Variants in CEP112 observed in about 807,000 individuals in gnomAD.
CEP112 encodes the protein centrosomal protein of 112 kDa.
In CEP112, 127 loss-of-function variants were observed where a neutral mutation model predicts 153.0. That is an observed-to-expected ratio of 0.83 (90% CI 0.72 to 0.96). The LOEUF (loss-of-function observed/expected upper bound fraction) is 0.96. Ranked by LOEUF, CEP112 falls within the 40% of genes least tolerant of loss-of-function variation. The pLI, the probability that CEP112 is intolerant of heterozygous loss-of-function variation, is 0.00. For synonymous variants in CEP112, 358 were observed against 374.4 expected (o/e 0.96, Z 0.51); for missense variants, 1,089 against 1,101.2 (o/e 0.99, Z 0.16).
intron 17 of CEP112, among the ~76,000 whole-genome samples, chr17:65,996,467 C>T (rs982928993): frequency 2.0e-5 from 3 of 152,056 alleles, no homozygotes; most frequent in African/African-American, 4.8e-5. Context: ...AATTATTTGT[C>T]GAAGTTTATT....
chr17:66,029,171 A>T lies in CEP112; in HGVS notation c.1455T>A (p.Asp485Glu). 2 of 1,609,660 alleles carry T rather than the reference A, an allele frequency of 1.2e-6. No individual in the cohort carries two copies. Among genetic ancestry groups the T allele is most frequent in the Non-Finnish European group, 1.7e-6 (2 of 1,176,492 alleles). ...QNMKLLQTKY[D>E]ADINLLKQEH... The stretch of plus-strand genomic sequence containing the variant: ...CTTGTTTTAGAAGGTTTATATCAGC[A>T]TCATATTTGGTTTGTAACAGTTTCA... The change falls in exon 14 of 27, where the codon GAT (aspartate) becomes GAA (glutamate). Residue 485 changes from aspartate to glutamate, a missense_variant. By Grantham distance (45) the Asp-to-Glu change is conservative. Transcript: ENST00000535342.
intron 18 of CEP112, among the ~76,000 whole-genome samples, chr17:65,948,551 C>T (rs1399644286): frequency 6.7e-6 from 1 of 149,542 alleles, no homozygotes; most frequent in Admixed American, 6.9e-5. Context: ...AAATATAGAA[C>T]GCTGTTTCTT....
chr17:66,159,816 C>T (rs2071616640), intron 4 of CEP112, among the ~76,000 whole-genome samples: 1 of 152,154 alleles, frequency 6.6e-6, no homozygotes, highest in Non-Finnish European at 1.5e-5. Context: ...TCTCTCACCA[C>T]TCCTATTCAA....
chr17:65,993,195 G>A (rs2063660320), intron 17 of CEP112, among the ~76,000 whole-genome samples: 1 of 152,162 alleles, frequency 6.6e-6, no homozygotes, highest in African/African-American at 2.4e-5. Context: ...TGTGGTGTTT[G>A]GTTTTCTGTT....
chr17:66,101,488 C>T (rs1016507972), intron 6 of CEP112, among the ~76,000 whole-genome samples: 6 of 152,090 alleles, frequency 3.9e-5, no homozygotes, highest in Non-Finnish European at 7.4e-5. Context: ...GAGACTGATG[C>T]TTCCTGATTA....
At chr17:65,883,432 C>A (rs540713857) in intron 20 of CEP112, among the ~76,000 whole-genome samples, 1 of 152,196 alleles carries the variant, frequency 6.6e-6, no homozygotes, top group Non-Finnish European at 1.5e-5. Context: ...ATAATCTTGG[C>A]TCACTGTAAC....
At position 65,670,178 on chromosome 17, in the gene CEP112, G is replaced by T. The variant is rs560572358; in HGVS notation, c.2697+18951C>A. ...TTTTTTTGTTTTTGTTGTTGTTGTTGTTTTTTTTTTAACTGATGCTTAAAA... is the reference window on the plus strand; with the variant it reads ...TTTTTTTGTTTTTGTTGTTGTTGTTTTTTTTTTTTTAACTGATGCTTAAAA... On this transcript the variant is annotated intron_variant, in intron 24 of 26. Transcript: ENST00000535342. Among the ~76,000 whole-genome samples, 991 of 144,238 alleles carry T rather than the reference G, an allele frequency of 6.9e-3. 11 individuals carry two copies. The highest frequency in any genetic ancestry group is 0.024 in the African/African-American group (932 of 38,536). The allele number at this position is 144,238 out of a possible 152,430, so 94.6% of individuals were successfully genotyped here.
chr17:66,152,254 T>C (rs2071242066), intron 4 of CEP112, among the ~76,000 whole-genome samples: 1 of 152,162 alleles, frequency 6.6e-6, no homozygotes, highest in Non-Finnish European at 1.5e-5. Context: ...GTAAGAAATC[T>C]GTTATCGGAA....
intron 24 of CEP112, among the ~76,000 whole-genome samples, chr17:65,681,992 T>C (rs922524496): frequency 8.6e-5 from 13 of 151,708 alleles, no homozygotes. Context: ...AATTTTTCTT[T>C]TCTTTCTTTC....
chr17:66,099,445 A>C (rs1403232542), intron 6 of CEP112, among the ~76,000 whole-genome samples: 1 of 146,696 alleles, frequency 6.8e-6, no homozygotes, highest in Non-Finnish European at 1.5e-5. Flanking sequence ...TGGAGGTTGC[A>C]GTGAGCTGAG....
chr17:65,657,386 G>A (rs1401133373), intron 24 of CEP112, among the ~76,000 whole-genome samples: 1 of 152,134 alleles, frequency 6.6e-6, no homozygotes, highest in Non-Finnish European at 1.5e-5. Context: ...AGCAGTTTGA[G>A]CAGTACAGCA....
intron 6 of CEP112, among the ~76,000 whole-genome samples, chr17:66,100,888 TA>T (rs1219881822): frequency 6.6e-6 from 1 of 152,092 alleles, no homozygotes; most frequent in Non-Finnish European, 1.5e-5. Context: ...CTATAAGTAA[TA>T]TAGAGATTAT....
At chr17:65,772,051 A>C (rs1458466145) in intron 21 of CEP112, among the ~76,000 whole-genome samples, 1 of 152,236 alleles carries the variant, frequency 6.6e-6, no homozygotes, top group East Asian at 1.9e-4. Flanking sequence ...GAAATTAGAA[A>C]ATATTTGGAA....
chr17:65,649,583 G>A (rs1399014965), intron 24 of CEP112, among the ~76,000 whole-genome samples: 1 of 151,936 alleles, frequency 6.6e-6, no homozygotes, highest in Non-Finnish European at 1.5e-5. Context: ...GCTGGGCGTG[G>A]TGGCATGCAT....
At chr17:65,731,256 T>C (rs1047513962) in intron 23 of CEP112, among the ~76,000 whole-genome samples, 3 of 152,108 alleles carry the variant, frequency 2.0e-5, no homozygotes, top group African/African-American at 7.2e-5. Flanking sequence ...TGTAATAAAG[T>C]GTATACCATG....
chr17:66,175,035 T>C lies in CEP112; in HGVS notation c.470+9A>G. The C allele has an allele frequency of 6.5e-7, 1 of 1,528,994 alleles. No homozygotes were observed. The highest frequency in any genetic ancestry group is 8.8e-7 in the Non-Finnish European group (1 of 1,134,508). 94.7% of individuals were successfully genotyped at this position (1,528,994 alleles called of 1,614,324 possible). ...GAAACACATTCAAAATCCCATTCTCTTTACATACCTGTAGACATCAGTTGG... is the reference window on the plus strand; with the variant it reads ...GAAACACATTCAAAATCCCATTCTCCTTACATACCTGTAGACATCAGTTGG... On this transcript the variant is annotated intron_variant, in intron 4 of 26. Coordinates refer to ENST00000535342, the MANE Select transcript of CEP112 (RefSeq NM_001199165.4).
At chr17:66,106,823 A>C (rs1317477644) in intron 6 of CEP112, among the ~76,000 whole-genome samples, 1 of 152,130 alleles carries the variant, frequency 6.6e-6, no homozygotes, top group Non-Finnish European at 1.5e-5. Flanking sequence ...TACCAAAACC[A>C]GACAAAGACA....
At chr17:65,907,176 G>C (rs971523739) in intron 19 of CEP112, among the ~76,000 whole-genome samples, 2 of 152,134 alleles carry the variant, frequency 1.3e-5, no homozygotes, top group African/African-American at 4.8e-5. Context: ...CGTTAGTAAT[G>C]ATACCTCCTT....
At chr17:65,940,100 T>C (rs1271356172) in intron 18 of CEP112, among the ~76,000 whole-genome samples, 2 of 152,082 alleles carry the variant, frequency 1.3e-5, no homozygotes, top group African/African-American at 4.8e-5. Flanking sequence ...TTTCTCAAAA[T>C]AAGACATAAA....
Sources: gnomAD v4.1 joint callset for allele counts (sites outside exome capture counted in the v4.1 genomes callset) on GRCh38, gnomAD v4.1.1 for gene constraint, MANE v1.5 for transcripts, NCBI Gene and HGNC (gene_info 2026-07-23, HGNC 2026-07-21) for gene names.